OTOF: variants seen among roughly 807,000 people sequenced by gnomAD.
The protein encoded by OTOF is fer-1-like family member 2.
OTOF carries 218 observed loss-of-function variants against 236.8 expected under a neutral mutation model. The ratio of observed to expected loss-of-function variants is 0.92; its 90% CI spans 0.82 to 1.03. The LOEUF (loss-of-function observed/expected upper bound fraction) is 1.03. OTOF is among the 50% of genes least tolerant of loss of function. OTOF has a pLI of 0.00. For missense variants in OTOF, 2,590 were observed against 2,694.4 expected, an observed-to-expected ratio of 0.96 and a Z score of 0.86; for synonymous variants, 1,041 against 1,072.5, an observed-to-expected ratio of 0.97 and a Z score of 0.57.
intron 2 of OTOF, among the ~76,000 whole-genome samples, chr2:26,534,053 G>A (rs1667010519): frequency 6.6e-6 from 1 of 152,146 alleles, no homozygotes; most frequent in South Asian, 2.1e-4. Flanking sequence ...GCAGGGCTGA[G>A]TCTTGTCTAC....
intron 5 of OTOF, among the ~76,000 whole-genome samples, chr2:26,515,342 C>T (rs1666496123): frequency 6.6e-6 from 1 of 152,222 alleles, no homozygotes; most frequent in Admixed American, 6.5e-5. Flanking sequence ...ATGTTTGTTG[C>T]AGGCCTGGTC....
At chr2:26,474,484 G>A in intron 26 of OTOF, 29 bp downstream of exon 26, 3 of 1,548,616 alleles carry the variant, frequency 1.9e-6, no homozygotes, top group Non-Finnish European at 2.6e-6. Flanking sequence ...CAGTCCCCAG[G>A]CCTCAGCCCC....
chr2:26,484,423 G>T, intron 12 of OTOF, 51 bp downstream of exon 12: 1 of 1,606,198 alleles, frequency 6.2e-7, no homozygotes, highest in East Asian at 2.2e-5. Flanking sequence ...GGCTCCCTGG[G>T]GGAAGGAAGG....
At chr2:26,498,430 G>A (rs1666041171) in intron 8 of OTOF, among the ~76,000 whole-genome samples, 1 of 152,188 alleles carries the variant, frequency 6.6e-6, no homozygotes, top group Non-Finnish European at 1.5e-5. Flanking sequence ...CCCCTCCTGG[G>A]GCTCTAGGAA....
chr2:26,498,907 A>T (rs916704720), intron 8 of OTOF, among the ~76,000 whole-genome samples: 3 of 152,054 alleles, frequency 2.0e-5, no homozygotes, highest in African/African-American at 7.2e-5. Context: ...CATTTTCAGA[A>T]GTTTGCTCCA....
At chr2:26,469,780 C>G (rs925727441) in intron 32 of OTOF, among the ~76,000 whole-genome samples, 1 of 152,240 alleles carries the variant, frequency 6.6e-6, no homozygotes, top group Non-Finnish European at 1.5e-5. Context: ...GCTACAGCAG[C>G]TTAATGTGTG....
chr2:26,460,069 A>G lies in OTOF; in HGVS notation c.5950T>C (p.Tyr1984His). ...LLLLLLALFL[Y>H]SVPGYLVKKI... ...TTGACCAGGTAGCCAGGCACAGAGTAGAGGAACAGGGCGAGGAGGAGGAGC... is the reference window on the plus strand; with the variant it reads ...TTGACCAGGTAGCCAGGCACAGAGTGGAGGAACAGGGCGAGGAGGAGGAGC... The change falls in exon 46 of 47, where the codon TAC becomes CAC. Residue 1984 changes from tyrosine (Y) to histidine (H), a missense_variant. Physicochemically the swap from Tyr to His is moderately conservative, Grantham distance 83. Transcript: ENST00000272371. This position sits in a 1 kb window ranked among gnomAD's most constrained non-coding sequence, Gnocchi z 5.3. The G allele has an allele frequency of 1.3e-6, 2 of 1,575,104 alleles. No individual in the cohort carries two copies. Among genetic ancestry groups the G allele is most frequent in the Non-Finnish European group, 1.7e-6 (2 of 1,160,254 alleles).
chr2:26,538,931 A>G (rs1667143909), intron 1 of OTOF, among the ~76,000 whole-genome samples: 1 of 150,654 alleles, frequency 6.6e-6, no homozygotes, highest in Non-Finnish European at 1.5e-5. Context: ...CTCCTGCCTC[A>G]GCCTCCTGAG....
chr2:26,464,989 G>A lies in OTOF; in HGVS notation c.4840C>T (p.Gln1614Ter). Residue 1614 changes from glutamine (Q) to a stop codon, truncating the protein, a stop_gained, in exon 39 of 47, where the codon CAG (glutamine) becomes TAG (stop). Transcript: ENST00000272371. LOFTEE classifies it high-confidence loss of function. ...TCTTTGCAGAGGCGGGTCAGGATCT[G>A]GCTGGGCTTCATGGGGTCCCGCCAG... ...NIWRDPMKPS[Q>*]ILTRLCKDGK... 6.6e-7 allele frequency: 1 copy of A among 1,522,624 alleles called. No individual in the cohort carries two copies. Among genetic ancestry groups the A allele is most frequent in the Non-Finnish European group, 8.9e-7 (1 of 1,129,736 alleles). The allele number at this position is 1,522,624 out of a possible 1,614,324, so 94.3% of individuals were successfully genotyped here.
intron 3 of OTOF, among the ~76,000 whole-genome samples, chr2:26,519,353 C>A (rs979918386): frequency 8.5e-5 from 13 of 152,194 alleles, no homozygotes; most frequent in African/African-American, 3.1e-4. Flanking sequence ...CAGTGAGCAC[C>A]CTTAGGGGAT....
Position 26,482,417 on chromosome 2 carries a change from T to C in OTOF, c.1568A>G (p.Asp523Gly), listed in dbSNP as rs762358361. The change falls in exon 14 of 47, where the codon GAC (aspartate) becomes GGC (glycine). Residue 523 changes from aspartate to glycine, a missense_variant. Around this residue, in one of 2 missense-constraint regions of OTOF, gnomAD observed 1,379 missense variants for 1,341.6 expected, o/e 1.03. Transcript: ENST00000272371. ...CTCCCGCTGCTGACCTTTGTCTCCGTCATTAGAAATCTTGCGCAGGTCAAT... is the reference window on the plus strand; with the variant it reads ...CTCCCGCTGCTGACCTTTGTCTCCGCCATTAGAAATCTTGCGCAGGTCAAT... Reference protein sequence around the residue: ...HFIDLRKISNDGDKGFLPTLG... With the variant: ...HFIDLRKISNGGDKGFLPTLG... The C allele has an allele frequency of 1.2e-6, 2 of 1,613,220 alleles. No homozygotes were observed. Among genetic ancestry groups the C allele is most frequent in the Non-Finnish European group, 1.7e-6 (2 of 1,179,996 alleles).
In OTOF at chr2:26,475,548, A is replaced by G. The variant is rs757635874; in HGVS notation, c.2992-55T>C. 1.0e-5 allele frequency: 16 copies of G among 1,594,054 alleles called. No homozygotes were observed. In the Middle Eastern group the frequency reaches 5.1e-4, roughly 51 times the overall value. On this transcript the variant is annotated intron_variant, in intron 24 of 46. Transcript: ENST00000272371. Reference sequence around the variant, plus strand: ...AAGTGACAGAGGGGGGGGCAGATGCACAAACAGAAGCCACCCCTACTCACT... The same window carrying G: ...AAGTGACAGAGGGGGGGGCAGATGCGCAAACAGAAGCCACCCCTACTCACT...
At chr2:26,521,927 A>T (rs1666685892) in intron 3 of OTOF, among the ~76,000 whole-genome samples, 2 of 152,204 alleles carry the variant, frequency 1.3e-5, no homozygotes, top group African/African-American at 2.4e-5. Context: ...CGGCACTCGG[A>T]TGCCAGCCCC....
chr2:26,540,617 T>C (rs1258944902), intron 1 of OTOF, among the ~76,000 whole-genome samples: 1 of 152,092 alleles, frequency 6.6e-6, no homozygotes, highest in African/African-American at 2.4e-5. Flanking sequence ...GAGCTAGTCC[T>C]AGTTCAATGC....
At position 26,457,542 on chromosome 2, in the gene OTOF, T is replaced by C. The variant is rs55744034; in HGVS notation, c.*696A>G. ...CCAGCAGTGGCAGAAGCAGCCGCGC[T>C]GGGACTTGTGGGCAGGGTCTGGCCC... On this transcript the variant is annotated 3_prime_UTR_variant, in exon 47 of 47. Coordinates refer to ENST00000272371, the MANE Select transcript of OTOF (RefSeq NM_194248.3). The surrounding 1 kb of genome is among the most constrained non-coding windows in gnomAD (Gnocchi z 4.4). 0.045 allele frequency: 6,852 copies of C among 153,904 alleles called. 479 individuals are homozygous for C. Among genetic ancestry groups the C allele is most frequent in the African/African-American group, 0.15 (6,292 of 41,540 alleles). 9.5% of individuals were successfully genotyped at this position (153,904 alleles called of 1,614,324 possible).
At chr2:26,469,683 C>A (rs1386539562) in intron 32 of OTOF, among the ~76,000 whole-genome samples, 1 of 152,262 alleles carries the variant, frequency 6.6e-6, no homozygotes, top group Non-Finnish European at 1.5e-5. Context: ...TCCTTGACAC[C>A]ACTGAGCCAC....
chr2:26,472,128 G>T (rs543862045), intron 30 of OTOF, among the ~76,000 whole-genome samples: 1 of 149,550 alleles, frequency 6.7e-6, no homozygotes, highest in Non-Finnish European at 1.5e-5. Context: ...CCACACGCAC[G>T]CACGTGCATA....
intron 22 of OTOF, among the ~76,000 whole-genome samples, chr2:26,476,659 T>C (rs1248578395): frequency 5.6e-5 from 1 of 17,864 alleles, no homozygotes; most frequent in Non-Finnish European, 9.5e-5. Context: ...TCCCCACCCC[T>C]TCCCCCACCC....
chr2:26,458,381 G>A (rs750538147), intron 46 of OTOF, among the ~76,000 whole-genome samples, 161 bp from the exon 47 acceptor site: 23 of 152,176 alleles, frequency 1.5e-4, no homozygotes, highest in Non-Finnish European at 2.5e-4. Context: ...CTAAGTACCC[G>A]ACTTGCTGCT....
Sources: gnomAD v4.1 joint callset for allele counts (sites outside exome capture counted in the v4.1 genomes callset) on GRCh38, gnomAD v4.1.1 for gene constraint, gnomAD v4.1.1 regional missense constraint, Gnocchi (gnomAD v3.1) non-coding constraint, MANE v1.5 for transcripts, NCBI Gene and HGNC (gene_info 2026-07-23, HGNC 2026-07-21) for gene names.